Variants in WDR44 observed in about 807,000 individuals in gnomAD.
WDR44 encodes WD repeat-containing protein 44.
In WDR44, 9 loss-of-function variants were observed where a neutral mutation model predicts 65.7. That is an observed-to-expected ratio of 0.14 (90% CI 0.08 to 0.24). WDR44 has a LOEUF of 0.24. Ranked by LOEUF, WDR44 falls within the 10% of genes least tolerant of loss-of-function variation. WDR44 has a pLI of 1.00. For synonymous variants in WDR44, 220 were observed against 235.2 expected (o/e 0.94, Z 0.59); for missense variants, 425 against 670.9 (o/e 0.63, Z 4.05).
chrX:118,360,161 G>A (rs2056498643), intron 1 of WDR44, among the ~76,000 whole-genome samples: 1 of 111,869 alleles, frequency 8.9e-6, no homozygotes, highest in South Asian at 3.7e-4. Context: ...ATTTAGGTTT[G>A]AAAGGCCAGC....
At chrX:118,359,403 T>A (rs2056493027) in intron 1 of WDR44, among the ~76,000 whole-genome samples, 1 of 112,392 alleles carries the variant, frequency 8.9e-6, no homozygotes, top group African/African-American at 3.2e-5. Context: ...ATGTTTTTAG[T>A]TTGGAATCCT....
intron 9 of WDR44, among the ~76,000 whole-genome samples, chrX:118,405,711 C>T (rs954249748): frequency 9.0e-5 from 10 of 110,709 alleles, no homozygotes. Flanking sequence ...TTCAAACAAC[C>T]ACAGATAGAA....
At chrX:118,358,691 G>A (rs1012173933) in intron 1 of WDR44, among the ~76,000 whole-genome samples, 12 of 110,639 alleles carry the variant, frequency 1.1e-4, no homozygotes, top group Non-Finnish European at 1.7e-4. Context: ...GCGACAGAGC[G>A]AGACTCCGTC....
chrX:118,367,010 T>A (rs5956955), intron 1 of WDR44, among the ~76,000 whole-genome samples: 2 of 107,659 alleles, frequency 1.9e-5, no homozygotes, highest in African/African-American at 6.8e-5. Flanking sequence ...GGCGTGAACC[T>A]GGAAGGCGGA....
At chrX:118,392,175 G>A (rs182095129) in intron 3 of WDR44, among the ~76,000 whole-genome samples, 557 of 111,524 alleles carry the variant, frequency 5.0e-3, no homozygotes, top group Non-Finnish European at 8.9e-3. Context: ...CTGGGGATTT[G>A]GATTATCGTG....
At chrX:118,444,989 C>T (rs1455930371) in intron 19 of WDR44, 1 of 330,063 alleles carries the variant, frequency 3.0e-6, no homozygotes, top group South Asian at 2.6e-5. Flanking sequence ...TTAAATTCAC[C>T]TGAGAATTAA....
intron 1 of WDR44, among the ~76,000 whole-genome samples, chrX:118,348,026 C>G (rs767883325): frequency 9.1e-6 from 1 of 109,860 alleles, no homozygotes; most frequent in Non-Finnish European, 1.9e-5. Flanking sequence ...AATGAGACAC[C>G]AAGTCCTTTG....
At chrX:118,363,283 T>A (rs1292442009) in intron 1 of WDR44, among the ~76,000 whole-genome samples, 1 of 105,660 alleles carries the variant, frequency 9.5e-6, no homozygotes, top group Non-Finnish European at 1.9e-5. Context: ...GCACTTGCAA[T>A]CCCAGCTACT....
chrX:118,370,012 G>T (rs2056600519), intron 1 of WDR44, among the ~76,000 whole-genome samples: 1 of 111,546 alleles, frequency 9.0e-6, no homozygotes, highest in Non-Finnish European at 1.9e-5. Context: ...AAATTCATTG[G>T]CAGCATTGAT....
At chrX:118,425,449 A>G (rs1327239774) in intron 12 of WDR44, among the ~76,000 whole-genome samples, 2 of 111,183 alleles carry the variant, frequency 1.8e-5, no homozygotes, top group Non-Finnish European at 3.8e-5. Context: ...GGAGTTCAAG[A>G]CCAGCCTGAC....
intron 12 of WDR44, 102 bp downstream of exon 12, chrX:118,411,061 T>G (rs997237424): frequency 9.2e-6 from 6 of 653,776 alleles, no homozygotes; most frequent in Non-Finnish European, 1.3e-5. Flanking sequence ...ATGAAGACAC[T>G]TAATATAAAA....
chrX:118,437,498 A>G (rs190150186), intron 14 of WDR44, among the ~76,000 whole-genome samples: 3 of 112,003 alleles, frequency 2.7e-5, no homozygotes, highest in Non-Finnish European at 3.8e-5. Context: ...CACTAGCTCT[A>G]TTAAGCAGAG....
At chrX:118,367,945 CTG>C (rs927121176) in intron 1 of WDR44, among the ~76,000 whole-genome samples, 2 of 111,399 alleles carry the variant, frequency 1.8e-5, no homozygotes, top group Non-Finnish European at 3.8e-5. Context: ...CTTTGAATAA[CTG>C]TTATAGAAAA....
At chrX:118,372,816 C>T (rs955772391) in intron 1 of WDR44, among the ~76,000 whole-genome samples, 1 of 112,040 alleles carries the variant, frequency 8.9e-6, no homozygotes, top group African/African-American at 3.2e-5. Context: ...AGGCTGGGTG[C>T]GGTGGCTCAC....
intron 13 of WDR44, 82 bp from the exon 14 acceptor site, chrX:118,436,620 A>G: frequency 9.1e-7 from 1 of 1,093,047 alleles, no homozygotes. Flanking sequence ...TTGAGATACA[A>G]AAACCAAAAG....
chrX:118,444,524 C>T, intron 19 of WDR44, 30 bp downstream of exon 19: 1 of 1,194,523 alleles, frequency 8.4e-7, no homozygotes, highest in Non-Finnish European at 1.1e-6. Context: ...ATATTTTTTT[C>T]TAGTCAGCAC....
chrX:118,366,261 G>A (rs1450090188), intron 1 of WDR44, among the ~76,000 whole-genome samples: 1 of 111,525 alleles, frequency 9.0e-6, no homozygotes, highest in African/African-American at 3.3e-5. Context: ...TGCTTGTTCT[G>A]AGTATAAATT....
chrX:118,404,694 C>T (rs1026672281), intron 9 of WDR44, among the ~76,000 whole-genome samples: 2 of 111,532 alleles, frequency 1.8e-5, no homozygotes, highest in African/African-American at 6.5e-5. Flanking sequence ...GAATTAGTTT[C>T]GTTTGTTTGT....
intron 1 of WDR44, among the ~76,000 whole-genome samples, chrX:118,370,789 G>T (rs1322030814): frequency 9.1e-6 from 1 of 109,559 alleles, no homozygotes; most frequent in East Asian, 2.8e-4. Flanking sequence ...TCACCATATT[G>T]GCCAGGATGG....
Sources: allele counts gnomAD v4.1 joint callset (sites outside exome capture counted in the v4.1 genomes callset), GRCh38; gene constraint gnomAD v4.1.1; transcripts MANE v1.5; gene names NCBI Gene and HGNC (gene_info 2026-07-23, HGNC 2026-07-21).